COL15A1: variants seen among roughly 807,000 people sequenced by gnomAD.
The protein encoded by COL15A1 is collagen alpha-1(XV) chain.
Under a neutral mutation model 165.9 loss-of-function variants are expected in COL15A1, and 111 were observed. That is an observed-to-expected ratio of 0.67 (90% CI 0.57 to 0.78). COL15A1 has a LOEUF of 0.78. Ranked by LOEUF, COL15A1 falls within the 30% of genes least tolerant of loss-of-function variation. COL15A1 has a pLI of 0.00. For synonymous variants in COL15A1, 659 were observed against 674.8 expected (o/e 0.98, Z 0.36); for missense variants, 1,745 against 1,789.7 (o/e 0.98, Z 0.45).
chr9:98,944,959 G>C (rs186789178), intron 2 of COL15A1, among the ~76,000 whole-genome samples: 1 of 152,344 alleles, frequency 6.6e-6, no homozygotes, highest in Non-Finnish European at 1.5e-5. Flanking sequence ...TTGAACTGTG[G>C]CTGGCTGAGT....
chr9:99,063,238 CAG>C, intron 39 of COL15A1, 129 bp downstream of exon 39: 6 of 1,131,920 alleles, frequency 5.3e-6, no homozygotes, highest in Non-Finnish European at 7.1e-6. Flanking sequence ...AAACAAAAAA[CAG>C]AGAATTACAA....
rs779312266 is a variant in COL15A1, at chr9:99,052,394, A to T, written c.2911A>T (p.Thr971Ser). The T allele has an allele frequency of 8.7e-5, 140 of 1,611,712 alleles. 1 individual carries two copies. In the Admixed American group the frequency reaches 2.3e-3, roughly 26 times the overall value. ...VRPHCKMPVD[T>S]AHPGSPELIT... Reference sequence around the variant, plus strand: ...GGCCTTCCTCTCTTTCCAGGTTGATACTGCTCATCCTGGGAGTCCAGAGCT... The same window carrying T: ...GGCCTTCCTCTCTTTCCAGGTTGATTCTGCTCATCCTGGGAGTCCAGAGCT... The change falls in exon 31 of 42, where the codon ACT (threonine) becomes TCT (serine). Residue 971 changes from threonine to serine, a missense_variant. Physicochemically the swap from Thr to Ser is moderately conservative, Grantham distance 58. Transcript: ENST00000375001.
Position 99,036,321 on chromosome 9 carries a change from G to T in COL15A1, c.2334G>T (p.Arg778Ser). 6.2e-7 allele frequency: 1 copy of T among 1,614,150 alleles called. No individual in the cohort carries two copies. The highest frequency in any genetic ancestry group is 8.5e-7 in the Non-Finnish European group (1 of 1,180,026). The change falls in exon 21 of 42, where the codon AGG becomes AGT. Residue 778 changes from arginine to serine, a missense_variant. Physicochemically the swap from Arg to Ser is moderately radical, Grantham distance 110. Transcript: ENST00000375001. ...CTTGCTGCTTTGACCAGGGAGAAAGGGGGATGGATGGAGCCAGTATTGTGG... is the reference window on the plus strand; with the variant it reads ...CTTGCTGCTTTGACCAGGGAGAAAGTGGGATGGATGGAGCCAGTATTGTGG... Reference protein sequence around the residue: ...EKGDRGPKGERGMDGASIVGP... With the variant: ...EKGDRGPKGESGMDGASIVGP...
intron 2 of COL15A1, among the ~76,000 whole-genome samples, chr9:98,977,969 C>G (rs952325103): frequency 5.3e-5 from 8 of 152,154 alleles, no homozygotes; most frequent in African/African-American, 1.9e-4. Flanking sequence ...CCTTTGCCCC[C>G]TCTCCAGCTG....
intron 28 of COL15A1, 73 bp from the exon 29 acceptor site, chr9:99,049,617 G>A: frequency 6.3e-7 from 1 of 1,586,986 alleles, no homozygotes; most frequent in Non-Finnish European, 8.6e-7. Flanking sequence ...TTCCTCTGGA[G>A]GAAGTGTCCT....
chr9:98,965,310 T>G (rs980781680), intron 2 of COL15A1, among the ~76,000 whole-genome samples: 1 of 152,180 alleles, frequency 6.6e-6, no homozygotes, highest in Non-Finnish European at 1.5e-5. Context: ...TCCAGTCTCC[T>G]AAAGGAAAAA....
chr9:99,036,316 GA>G lies in COL15A1; in HGVS notation c.2332del (p.Arg778GlyfsTer28). ...CACTTCTTGCTGCTTTGACCAGGGA[GA>G]AAGGGGGATGGATGGAGCCAGTATT... is the stretch of plus-strand genomic sequence containing the variant. ...GEKGDRGPKGERGMDGASIVG... is the reference protein window; with the variant it reads ...GEKGDRGPKGXRGMDGASIVG... On this transcript the variant is annotated frameshift_variant, in exon 21 of 42. Coordinates refer to ENST00000375001, the MANE Select transcript of COL15A1 (RefSeq NM_001855.5). LOFTEE classifies it high-confidence loss of function. The G allele has an allele frequency of 6.2e-7, 1 of 1,614,190 alleles. No homozygotes were observed. The highest frequency in any genetic ancestry group is 2.2e-5 in the East Asian group (1 of 44,882).
At chr9:98,949,407 G>A (rs982891823) in intron 2 of COL15A1, among the ~76,000 whole-genome samples, 12 of 152,178 alleles carry the variant, frequency 7.9e-5, no homozygotes, top group African/African-American at 2.9e-4. Flanking sequence ...ACCTACGAGT[G>A]GAGTGCTGAA....
At chr9:99,050,793 A>G (rs1481274935) in intron 30 of COL15A1, among the ~76,000 whole-genome samples, 1 of 152,224 alleles carries the variant, frequency 6.6e-6, no homozygotes, top group African/African-American at 2.4e-5. Flanking sequence ...TGAGTTCGTA[A>G]TTGATCCCTG....
intron 35 of COL15A1, among the ~76,000 whole-genome samples, chr9:99,059,625 G>A (rs1825777807): frequency 6.6e-6 from 1 of 152,200 alleles, no homozygotes; most frequent in South Asian, 2.1e-4. Context: ...ACCACAAAAG[G>A]AATTGATTCA....
intron 5 of COL15A1, among the ~76,000 whole-genome samples, 180 bp downstream of exon 5, chr9:98,989,438 G>C: frequency 6.6e-6 from 1 of 152,214 alleles, no homozygotes; most frequent in African/African-American, 2.4e-5. Flanking sequence ...AAAATCCCCT[G>C]GTGAACCGCA....
At chr9:99,028,169 T>C (rs1451620824) in intron 16 of COL15A1, among the ~76,000 whole-genome samples, 5 of 152,114 alleles carry the variant, frequency 3.3e-5, no homozygotes, top group Non-Finnish European at 7.4e-5. Context: ...CATAGACCAA[T>C]CTAGGCAGTT....
At chr9:99,049,425 G>A (rs953113201) in intron 28 of COL15A1, among the ~76,000 whole-genome samples, 1 of 152,166 alleles carries the variant, frequency 6.6e-6, no homozygotes, top group Non-Finnish European at 1.5e-5. Context: ...TCTTGAGCAG[G>A]TCACCTCCCC....
intron 14 of COL15A1, among the ~76,000 whole-genome samples, chr9:99,024,410 G>A (rs895425831): frequency 6.6e-6 from 1 of 150,740 alleles, no homozygotes; most frequent in Non-Finnish European, 1.5e-5. Flanking sequence ...TCAGCCTCCC[G>A]AGTAGCTGGG....
At chr9:98,949,540 G>A (rs1837643387) in intron 2 of COL15A1, among the ~76,000 whole-genome samples, 1 of 152,174 alleles carries the variant, frequency 6.6e-6, no homozygotes, top group Non-Finnish European at 1.5e-5. Context: ...ACCAGCACTT[G>A]ATCTTGTCAC....
chr9:99,008,987 C>T (rs1265716607), intron 9 of COL15A1, among the ~76,000 whole-genome samples: 1 of 152,202 alleles, frequency 6.6e-6, no homozygotes, highest in Non-Finnish European at 1.5e-5. Flanking sequence ...AAAGGATCAG[C>T]AATGTTTTAA....
Position 99,047,808 on chromosome 9 carries a change from A to C in COL15A1, c.2702A>C (p.His901Pro), listed in dbSNP as rs779558022. Residue 901 changes from histidine to proline, a missense_variant, in exon 27 of 42, where the codon CAT (histidine) becomes CCT (proline). Transcript: ENST00000375001. Reference protein sequence around the residue: ...GPMGPKGPPGHKGEFGLPGRP... With the variant: ...GPMGPKGPPGPKGEFGLPGRP... Reference sequence around the variant, plus strand: ...TAGGGGCCCAAAGGACCACCAGGACATAAAGGAGAATTTGGCCTTCCCGGG... The same window carrying C: ...TAGGGGCCCAAAGGACCACCAGGACCTAAAGGAGAATTTGGCCTTCCCGGG... 1.5e-5 allele frequency: 25 copies of C among 1,613,936 alleles called. No individual in the cohort carries two copies. The highest frequency in any genetic ancestry group is 2.7e-5 in the African/African-American group (2 of 74,870).
At chr9:99,057,028 T>C (rs1049203318) in intron 35 of COL15A1, among the ~76,000 whole-genome samples, 2 of 152,266 alleles carry the variant, frequency 1.3e-5, no homozygotes, top group African/African-American at 4.8e-5. Flanking sequence ...CAAGTTTTTA[T>C]GTGAACATGT....
At chr9:99,034,421 A>G (rs546771103) in intron 16 of COL15A1, 128 bp from the exon 17 acceptor site, 92 of 1,421,070 alleles carry the variant, frequency 6.5e-5, no homozygotes, top group Middle Eastern at 1.9e-4. Flanking sequence ...GGAGACACCA[A>G]TCTGAGACAG....
Sources: allele counts gnomAD v4.1 joint callset (sites outside exome capture counted in the v4.1 genomes callset), GRCh38; gene constraint gnomAD v4.1.1; transcripts MANE v1.5; gene names NCBI Gene and HGNC (gene_info 2026-07-23, HGNC 2026-07-21).